RIMS2: variants seen among roughly 807,000 people sequenced by gnomAD.
RIMS2 encodes regulating synaptic membrane exocytosis 2, also known as regulating synaptic membrane exocytosis protein 2.
Under a neutral mutation model 174.4 loss-of-function variants are expected in RIMS2, and 59 were observed. The ratio of observed to expected loss-of-function variants is 0.34; its 90% CI spans 0.27 to 0.42. The LOEUF is 0.42. Ranked by LOEUF, RIMS2 falls within the 10% of genes least tolerant of loss-of-function variation. The probability of loss-of-function intolerance (pLI) is 1.00; values close to 1 mark genes in which losing one functional copy is unlikely to be tolerated. For synonymous variants in RIMS2, 606 were observed against 572.5 expected, an observed-to-expected ratio of 1.06 and a Z score of -0.84; for missense variants, 1,620 against 1,666.3, an observed-to-expected ratio of 0.97 and a Z score of 0.48.
intron 3 of RIMS2, among the ~76,000 whole-genome samples, chr8:103,822,989 G>T (rs2098762487): frequency 6.6e-6 from 1 of 151,914 alleles, no homozygotes; most frequent in South Asian, 2.1e-4. Flanking sequence ...TGAGTTATCA[G>T]TTGCTTTGGG....
At chr8:103,763,764 A>T (rs1246671858) in intron 2 of RIMS2, among the ~76,000 whole-genome samples, 1 of 152,196 alleles carries the variant, frequency 6.6e-6, no homozygotes, top group African/African-American at 2.4e-5. Flanking sequence ...AGGAAAATTA[A>T]GCTGATAGTG....
At chr8:104,059,136 T>C (rs2096928989) in intron 19 of RIMS2, among the ~76,000 whole-genome samples, 1 of 151,648 alleles carries the variant, frequency 6.6e-6, no homozygotes. Flanking sequence ...GGGGATGGCA[T>C]TGAATCTATA....
chr8:103,704,748 T>C (rs138219660), intron 2 of RIMS2, among the ~76,000 whole-genome samples: 42 of 152,204 alleles, frequency 2.8e-4, no homozygotes, highest in Non-Finnish European at 4.7e-4. Flanking sequence ...TTTTTCAATT[T>C]TTTTGCATAT....
chr8:103,509,823 A>G (rs1431565131), intron 1 of RIMS2, among the ~76,000 whole-genome samples: 1 of 152,140 alleles, frequency 6.6e-6, no homozygotes, highest in Non-Finnish European at 1.5e-5. Flanking sequence ...GTCAAGAACT[A>G]ACAACTTTAA....
At chr8:103,586,702 C>G (rs1278974496) in intron 1 of RIMS2, among the ~76,000 whole-genome samples, 2 of 151,868 alleles carry the variant, frequency 1.3e-5, no homozygotes, top group African/African-American at 2.4e-5. Context: ...CAAGAGCACA[C>G]TGAACCCAAA....
intron 19 of RIMS2, among the ~76,000 whole-genome samples, chr8:104,230,345 A>G (rs761269947): frequency 2.0e-5 from 3 of 151,806 alleles, no homozygotes; most frequent in South Asian, 2.1e-4. Context: ...TATTTTAGCA[A>G]CTTAAAAATA....
At chr8:103,597,727 AT>A (rs71512484) in intron 1 of RIMS2, among the ~76,000 whole-genome samples, 41,183 of 148,914 alleles carry the variant, frequency 0.28, 5,817 homozygotes, top group African/African-American at 0.33. Flanking sequence ...TCATGTTATT[AT>A]TTTTTTTTTT....
chr8:103,923,687 A>G (rs903809613), intron 10 of RIMS2, among the ~76,000 whole-genome samples: 1 of 151,798 alleles, frequency 6.6e-6, no homozygotes, highest in African/African-American at 2.4e-5. Context: ...TGATATTAGT[A>G]GTAAAACTTT....
At chr8:103,588,388 T>C (rs2133193333) in intron 1 of RIMS2, among the ~76,000 whole-genome samples, 1 of 152,050 alleles carries the variant, frequency 6.6e-6, no homozygotes, top group East Asian at 1.9e-4. Context: ...AATGGCATTC[T>C]TCACAGAAAT....
At chr8:103,874,240 T>A (rs1403472829) in intron 3 of RIMS2, among the ~76,000 whole-genome samples, 1 of 152,034 alleles carries the variant, frequency 6.6e-6, no homozygotes, top group African/African-American at 2.4e-5. Context: ...CCAATGTCCT[T>A]AAGAGGCACT....
chr8:104,095,112 A>G (rs1428641340), intron 19 of RIMS2, among the ~76,000 whole-genome samples: 2 of 152,176 alleles, frequency 1.3e-5, no homozygotes, highest in Non-Finnish European at 2.9e-5. Context: ...TTCAGACAAA[A>G]ATAAGGCAGA....
chr8:103,737,433 C>T (rs1048760314), intron 2 of RIMS2, among the ~76,000 whole-genome samples: 20 of 151,950 alleles, frequency 1.3e-4, no homozygotes, highest in African/African-American at 4.6e-4. Flanking sequence ...GTGGTCCTCC[C>T]GCCTCAGCCT....
chr8:103,502,773 TA>T (rs1441136915), intron 1 of RIMS2, among the ~76,000 whole-genome samples: 1 of 152,102 alleles, frequency 6.6e-6, no homozygotes, highest in African/African-American at 2.4e-5. Flanking sequence ...AATGTAGTTT[TA>T]TTTTTTTGAC....
chr8:103,941,838 G>T (rs191155452), intron 13 of RIMS2, among the ~76,000 whole-genome samples: 6 of 152,192 alleles, frequency 3.9e-5, no homozygotes, highest in African/African-American at 1.4e-4. Flanking sequence ...TTACAAGCTG[G>T]TGTGACCTTA....
intron 15 of RIMS2, among the ~76,000 whole-genome samples, chr8:103,971,311 A>G (rs1368877707): frequency 6.6e-6 from 1 of 151,592 alleles, no homozygotes; most frequent in Non-Finnish European, 1.5e-5. Context: ...TCTTGAATTA[A>G]CTTCTCCTTT....
At chr8:103,601,705 A>T (rs928228768) in intron 1 of RIMS2, among the ~76,000 whole-genome samples, 1 of 150,750 alleles carries the variant, frequency 6.6e-6, no homozygotes, top group Admixed American at 6.6e-5. Context: ...TTTGTTATTT[A>T]TTTTCTGGTT....
intron 3 of RIMS2, among the ~76,000 whole-genome samples, chr8:103,877,570 A>G (rs897474140): frequency 6.6e-6 from 1 of 151,788 alleles, no homozygotes; most frequent in Admixed American, 6.6e-5. Flanking sequence ...TAGGTTATCT[A>G]TTCTGTTCCA....
chr8:104,166,685 A>T (rs2098800039), intron 19 of RIMS2, among the ~76,000 whole-genome samples: 2 of 151,880 alleles, frequency 1.3e-5, no homozygotes, highest in South Asian at 4.2e-4. Flanking sequence ...AGTATAAGAG[A>T]TAGAGTTATA....
chr8:103,956,085 G>T (rs2087094659), intron 14 of RIMS2, among the ~76,000 whole-genome samples: 1 of 152,120 alleles, frequency 6.6e-6, no homozygotes, highest in Admixed American at 6.6e-5. Context: ...ACAAACCACT[G>T]CTCAAGGAAG....
Sources: allele counts gnomAD v4.1 joint callset (sites outside exome capture counted in the v4.1 genomes callset), GRCh38; gene constraint gnomAD v4.1.1; transcripts MANE v1.5; gene names NCBI Gene and HGNC (gene_info 2026-07-23, HGNC 2026-07-21).